The following ERBB4 variants were observed in gnomAD, a reference collection of about 807,000 sequenced individuals.
The protein encoded by ERBB4 is receptor tyrosine-protein kinase erbB-4.
ERBB4 carries 42 observed loss-of-function variants against 158.0 expected under a neutral mutation model. The ratio of observed to expected loss-of-function variants is 0.27; its 90% CI spans 0.21 to 0.34. The LOEUF (loss-of-function observed/expected upper bound fraction) is 0.34. Ranked by LOEUF, ERBB4 falls within the 10% of genes least tolerant of loss-of-function variation. The pLI, the probability that ERBB4 is intolerant of heterozygous loss-of-function variation, is 1.00. For synonymous variants in ERBB4, 583 were observed against 558.7 expected (o/e 1.04, Z -0.61); for missense variants, 1,333 against 1,624.1 (o/e 0.82, Z 3.08).
At chr2:211,868,879 T>A (rs1476398411) in intron 3 of ERBB4, among the ~76,000 whole-genome samples, 1 of 152,210 alleles carries the variant, frequency 6.6e-6, no homozygotes, top group Non-Finnish European at 1.5e-5. Flanking sequence ...ACTTTCACTA[T>A]GTCTAAGTCC....
intron 1 of ERBB4, among the ~76,000 whole-genome samples, chr2:212,361,167 G>T (rs1438373952): frequency 2.0e-5 from 3 of 151,536 alleles, no homozygotes. Flanking sequence ...CAGGATAAGG[G>T]AAATTTTGTG....
chr2:212,499,914 G>A (rs1221602496), intron 1 of ERBB4, among the ~76,000 whole-genome samples: 1 of 152,040 alleles, frequency 6.6e-6, no homozygotes, highest in Non-Finnish European at 1.5e-5. Context: ...CTGTCTCTGT[G>A]CCTCAAGTCT....
chr2:211,893,547 T>A (rs188862298), intron 3 of ERBB4, among the ~76,000 whole-genome samples: 8 of 139,928 alleles, frequency 5.7e-5, no homozygotes, highest in South Asian at 2.1e-4. Flanking sequence ...AACAAAAGCC[T>A]AAATTGACAA....
intron 2 of ERBB4, among the ~76,000 whole-genome samples, chr2:212,122,164 G>A (rs539323685): frequency 1.3e-5 from 2 of 151,422 alleles, no homozygotes; most frequent in East Asian, 3.9e-4. Flanking sequence ...ACACATATAT[G>A]TAATATGCCT....
chr2:212,528,210 C>T (rs911965457), intron 1 of ERBB4, among the ~76,000 whole-genome samples: 3 of 152,030 alleles, frequency 2.0e-5, no homozygotes, highest in African/African-American at 7.2e-5. Flanking sequence ...ATCTGGCATG[C>T]TAAGCATCCC....
intron 20 of ERBB4, among the ~76,000 whole-genome samples, chr2:211,480,020 T>C (rs954399013): frequency 6.6e-6 from 1 of 152,138 alleles, no homozygotes; most frequent in African/African-American, 2.4e-5. Context: ...AAGTGTGGCA[T>C]AACCAGTTGT....
intron 1 of ERBB4, among the ~76,000 whole-genome samples, chr2:212,459,789 T>A (rs868834516): frequency 6.6e-6 from 1 of 152,096 alleles, no homozygotes; most frequent in South Asian, 2.1e-4. Context: ...TAAATCCATA[T>A]ATTTACAGCC....
intron 20 of ERBB4, 65 bp from the exon 21 acceptor site, chr2:211,431,165 CAA>C (rs1378758467): frequency 4.7e-6 from 7 of 1,489,330 alleles, no homozygotes; most frequent in Non-Finnish European, 6.5e-6. Context: ...TTTTCTAAAA[CAA>C]AGTTTCTTAG....
chr2:212,486,306 T>G (rs73063185), intron 1 of ERBB4, among the ~76,000 whole-genome samples: 4,916 of 120,004 alleles, frequency 0.041, 274 homozygotes, highest in African/African-American at 0.17. Context: ...ATATCTACAG[T>G]AAAAAGGCAG....
chr2:211,397,521 T>A (rs978759313), intron 25 of ERBB4, among the ~76,000 whole-genome samples: 5 of 152,148 alleles, frequency 3.3e-5, no homozygotes, highest in African/African-American at 4.8e-5. Context: ...ATGACTTTCT[T>A]CAGGATGATA....
intron 2 of ERBB4, among the ~76,000 whole-genome samples, chr2:212,107,243 G>T (rs1168123478): frequency 6.6e-6 from 1 of 152,220 alleles, no homozygotes; most frequent in Non-Finnish European, 1.5e-5. Context: ...GGGCAGAGCT[G>T]CCCAAGATGA....
chr2:211,713,526 AC>A lies in ERBB4; in HGVS notation c.997+8del. ...CAGTTCTAACTAAATAATCTGAGCT[AC>A]CACTCACCTTTTGGGCAAATGTCAG... On this transcript the variant is annotated splice_region_variant and intron_variant, in intron 8 of 27. Transcript: ENST00000342788. The A allele has an allele frequency of 6.7e-7, 1 of 1,498,744 alleles. No individual in the cohort carries two copies. The highest frequency in any genetic ancestry group is 9.3e-7 in the Non-Finnish European group (1 of 1,074,706). 92.8% of individuals were successfully genotyped at this position (1,498,744 alleles called of 1,614,324 possible). A position where few individuals can be genotyped will look rare whatever the true frequency, so the allele number is the denominator to read the frequency against.
chr2:211,395,675 A>C (rs919795432), intron 25 of ERBB4, among the ~76,000 whole-genome samples: 1 of 152,058 alleles, frequency 6.6e-6, no homozygotes, highest in Non-Finnish European at 1.5e-5. Flanking sequence ...GACAAATGGG[A>C]TAATTAATAT....
At chr2:212,331,443 A>G (rs2088165293) in intron 1 of ERBB4, among the ~76,000 whole-genome samples, 1 of 151,912 alleles carries the variant, frequency 6.6e-6, no homozygotes, top group Admixed American at 6.6e-5. Context: ...ACAAACAGTA[A>G]TAAAAATTTT....
intron 1 of ERBB4, among the ~76,000 whole-genome samples, chr2:212,219,327 A>G (rs2083209914): frequency 6.6e-6 from 1 of 151,476 alleles, no homozygotes; most frequent in East Asian, 1.9e-4. Context: ...TTTTATAGCA[A>G]TCAATAAATA....
chr2:212,158,185 T>C (rs903675872), intron 1 of ERBB4, among the ~76,000 whole-genome samples: 1 of 152,008 alleles, frequency 6.6e-6, no homozygotes, highest in Non-Finnish European at 1.5e-5. Context: ...TTAAGCAACT[T>C]GCCCAAAGTC....
In ERBB4 at chr2:212,448,868, C is replaced by T. The variant is rs145588915; in HGVS notation, c.82+89581G>A. ...AGCTCTTTGCTGGAGGTTTTAGTTT[C>T]ATCCTCTCATACTCCCAGGTTTTCT... On this transcript the variant is annotated intron_variant, in intron 1 of 27. Coordinates refer to ENST00000342788, the MANE Select transcript of ERBB4 (RefSeq NM_005235.3). Among the ~76,000 whole-genome samples, 4 of 152,178 alleles carry T rather than the reference C, an allele frequency of 2.6e-5. No homozygotes were observed. In the East Asian group the frequency reaches 5.8e-4, roughly 22 times the overall value.
intron 16 of ERBB4, among the ~76,000 whole-genome samples, chr2:211,645,675 G>A (rs1158984213): frequency 6.6e-6 from 1 of 151,600 alleles, no homozygotes; most frequent in East Asian, 1.9e-4. Context: ...TGAAAAACTT[G>A]CAGCCGTACT....
intron 20 of ERBB4, among the ~76,000 whole-genome samples, chr2:211,448,841 G>T (rs1403575933): frequency 6.6e-6 from 1 of 152,072 alleles, no homozygotes; most frequent in African/African-American, 2.4e-5. Flanking sequence ...TTCACTAAAA[G>T]ATATGCAGTA....
Sources: gnomAD v4.1 joint callset for allele counts (sites outside exome capture counted in the v4.1 genomes callset) on GRCh38, gnomAD v4.1.1 for gene constraint, MANE v1.5 for transcripts, NCBI Gene and HGNC (gene_info 2026-07-23, HGNC 2026-07-21) for gene names.